The following GRID1 variants were observed in gnomAD, a reference collection of about 807,000 sequenced individuals.
The protein encoded by GRID1 is glutamate ionotropic receptor delta type subunit 1.
Under a neutral mutation model 98.0 loss-of-function variants are expected in GRID1, and 28 were observed. That is an observed-to-expected ratio of 0.29 (90% confidence interval 0.21 to 0.39). The LOEUF (loss-of-function observed/expected upper bound fraction) is 0.39. Ranked by LOEUF, GRID1 falls within the 10% of genes least tolerant of loss-of-function variation. The probability of loss-of-function intolerance (pLI) is 1.00; values close to 1 mark genes in which losing one functional copy is unlikely to be tolerated. For missense variants in GRID1, 1,111 were observed against 1,340.5 expected (o/e 0.83, Z 2.67); for synonymous variants, 553 against 538.5 (o/e 1.03, Z -0.37).
At chr10:85,645,298 A>G (rs550274320) in intron 13 of GRID1, among the ~76,000 whole-genome samples, 15 of 152,342 alleles carry the variant, frequency 9.8e-5, no homozygotes, top group African/African-American at 3.4e-4. Context: ...CAGGCCTCAC[A>G]TGCACAAAAG....
chr10:85,957,145 C>G (rs889383502), intron 4 of GRID1, among the ~76,000 whole-genome samples: 1 of 152,164 alleles, frequency 6.6e-6, no homozygotes, highest in Non-Finnish European at 1.5e-5. Flanking sequence ...TCACCTCCCA[C>G]GAGGTCCCTC....
intron 4 of GRID1, among the ~76,000 whole-genome samples, chr10:86,076,222 T>C (rs980342863): frequency 6.6e-6 from 1 of 152,250 alleles, no homozygotes. Context: ...CATTCCCTGC[T>C]AGTATATCCA....
intron 15 of GRID1, chr10:85,606,861 TA>T (rs985681397): frequency 1.3e-5 from 2 of 152,246 alleles, no homozygotes; most frequent in Non-Finnish European, 2.9e-5. Flanking sequence ...TGGGCTTTTT[TA>T]TGTGAACTAC....
chr10:85,960,099 AG>A (rs1210073761), intron 4 of GRID1, among the ~76,000 whole-genome samples: 1 of 152,098 alleles, frequency 6.6e-6, no homozygotes, highest in Non-Finnish European at 1.5e-5. Context: ...TGGTAGAGAC[AG>A]GGTTGGCCAG....
intron 4 of GRID1, among the ~76,000 whole-genome samples, chr10:86,119,074 T>C (rs1033482204): frequency 6.6e-6 from 1 of 152,188 alleles, no homozygotes; most frequent in Non-Finnish European, 1.5e-5. Context: ...CAGTGGCTCA[T>C]GCTGTAATCC....
At chr10:85,981,873 C>T (rs1039638096) in intron 4 of GRID1, among the ~76,000 whole-genome samples, 3 of 152,052 alleles carry the variant, frequency 2.0e-5, no homozygotes, top group South Asian at 2.1e-4. Flanking sequence ...TGAAGTCAGG[C>T]GGGAGAGGGA....
chr10:85,887,133 A>C (rs1194199789), intron 5 of GRID1, among the ~76,000 whole-genome samples: 1 of 152,224 alleles, frequency 6.6e-6, no homozygotes, highest in African/African-American at 2.4e-5. Context: ...TGATGACAGA[A>C]TAACTCCCAC....
At chr10:86,136,274 A>G (rs1400294579) in intron 4 of GRID1, among the ~76,000 whole-genome samples, 3 of 152,138 alleles carry the variant, frequency 2.0e-5, no homozygotes, top group Non-Finnish European at 4.4e-5. Flanking sequence ...CTTCCCCACC[A>G]CACTTAGGAG....
At chr10:85,753,063 C>G (rs539317213) in intron 8 of GRID1, among the ~76,000 whole-genome samples, 1 of 152,264 alleles carries the variant, frequency 6.6e-6, no homozygotes, top group African/African-American at 2.4e-5. Flanking sequence ...TCGGTGCCAG[C>G]CTTCAAACTC....
chr10:86,352,683 G>A (rs1032620603), intron 2 of GRID1, among the ~76,000 whole-genome samples: 6 of 152,144 alleles, frequency 3.9e-5, no homozygotes, highest in African/African-American at 1.2e-4. Flanking sequence ...GGGGGTTAAG[G>A]GCTTTGACAT....
chr10:86,190,752 CTGTT>C (rs1461354905), intron 3 of GRID1, among the ~76,000 whole-genome samples: 2 of 152,258 alleles, frequency 1.3e-5, no homozygotes, highest in African/African-American at 4.8e-5. Context: ...TTCTTGGTGA[CTGTT>C]AGTAAGATTC....
chr10:85,724,654 G>A lies in GRID1; in HGVS notation c.1556C>T (p.Ala519Val). Residue 519 changes from alanine to valine, a missense_variant, in exon 11 of 16, where the codon GCC becomes GTC. Ala to Val is a moderately conservative substitution (Grantham distance 64). This residue lies in a region of GRID1 where 762 missense variants were observed against 869.1 expected (regional missense o/e 0.88). Transcript: ENST00000327946. ...CTCCCTCTCTGGGGTGATGGTGATG[G>A]CAGAGATGGCCAAGTCTGCTCTCTG... ...ISKRADLAISAITITPERESV... is the reference protein window; with the variant it reads ...ISKRADLAISVITITPERESV... The A allele has an allele frequency of 6.2e-7, 1 of 1,610,552 alleles. No individual in the cohort carries two copies.
At chr10:85,676,336 C>G (rs1297128679) in intron 12 of GRID1, among the ~76,000 whole-genome samples, 2 of 152,132 alleles carry the variant, frequency 1.3e-5, no homozygotes, top group Non-Finnish European at 2.9e-5. Context: ...TCAAAGGCAG[C>G]CTCTTTGCCT....
rs549079611 is a variant in GRID1, at chr10:85,892,867, C to A, written c.780+23319G>T. On this transcript the variant is annotated intron_variant, in intron 5 of 15. Transcript: ENST00000327946. ...ATTGCAACTCATGTCAGGAGGCCAT[C>A]ACTACCCTGATAACAAAACCAGACA... 5.4e-4 allele frequency among the ~76,000 whole-genome samples: 82 copies of A among 152,190 alleles called. 1 individual carries two copies. In the South Asian group the frequency reaches 0.017, roughly 31 times the overall value.
At chr10:86,286,297 C>A (rs922307577) in intron 2 of GRID1, among the ~76,000 whole-genome samples, 17 of 152,268 alleles carry the variant, frequency 1.1e-4, no homozygotes, top group South Asian at 1.0e-3. Context: ...CCTGGACCAA[C>A]CCAGCACTGA....
At chr10:86,012,611 C>T (rs1240015870) in intron 4 of GRID1, among the ~76,000 whole-genome samples, 1 of 152,158 alleles carries the variant, frequency 6.6e-6, no homozygotes, top group African/African-American at 2.4e-5. Context: ...TCAGGTGTTG[C>T]AATCCTAACC....
At chr10:85,812,170 T>C (rs1842677750) in intron 8 of GRID1, among the ~76,000 whole-genome samples, 1 of 152,112 alleles carries the variant, frequency 6.6e-6, no homozygotes, top group African/African-American at 2.4e-5. Context: ...GATTCACAAC[T>C]TTACTGGTGT....
At chr10:85,722,593 G>A (rs1341143331) in intron 12 of GRID1, among the ~76,000 whole-genome samples, 2 of 151,606 alleles carry the variant, frequency 1.3e-5, no homozygotes, top group African/African-American at 2.4e-5. Context: ...TGTGGCAATT[G>A]GCATTTTTGA....
chr10:85,866,747 C>T (rs965439799), intron 6 of GRID1, among the ~76,000 whole-genome samples: 10 of 152,082 alleles, frequency 6.6e-5, no homozygotes, highest in African/African-American at 1.7e-4. Flanking sequence ...GGAACTGAGG[C>T]GCAGAATGAT....
Sources: allele counts gnomAD v4.1 joint callset (sites outside exome capture counted in the v4.1 genomes callset), GRCh38; gene constraint gnomAD v4.1.1; regional missense constraint gnomAD v4.1.1; transcripts MANE v1.5; gene names NCBI Gene and HGNC (gene_info 2026-07-23, HGNC 2026-07-21).